The following CATSPERE variants were observed in gnomAD, a reference collection of about 807,000 sequenced individuals.
CATSPERE encodes catsper channel auxiliary subunit epsilon.
CATSPERE carries 93 observed loss-of-function variants against 114.1 expected under a neutral mutation model. The ratio of observed to expected loss-of-function variants is 0.81; its 90% CI spans 0.69 to 0.97. The LOEUF is 0.97. Among genes scored for constraint, CATSPERE ranks in the 50% least tolerant of loss-of-function variants. The pLI, the probability that CATSPERE is intolerant of heterozygous loss-of-function variation, is 0.00. For missense variants in CATSPERE, 1,058 were observed against 1,131.6 expected (o/e 0.93, Z 0.93); for synonymous variants, 341 against 384.1 (o/e 0.89, Z 1.31).
chr1:244,517,036 G>A (rs1676751165), intron 7 of CATSPERE, among the ~76,000 whole-genome samples: 1 of 152,006 alleles, frequency 6.6e-6, no homozygotes, highest in Non-Finnish European at 1.5e-5. Flanking sequence ...GAAAAATTAT[G>A]CAGACATTGA....
chr1:244,557,580 T>TATATATATAA (rs1661842519), intron 9 of CATSPERE, among the ~76,000 whole-genome samples: 1 of 105,476 alleles, frequency 9.5e-6, no homozygotes, highest in Non-Finnish European at 1.9e-5. Flanking sequence ...TATATATATA[T>TATATATATAA]ATAAAATCTC....
chr1:244,566,652 CTTTTTTTTTTTTTTTTTTTT>C (rs59466928), intron 10 of CATSPERE, among the ~76,000 whole-genome samples: 21 of 49,122 alleles, frequency 4.3e-4, no homozygotes, highest in African/African-American at 8.5e-4. Flanking sequence ...GCAACCCCTG[CTTTTTTTTTTTTTTTTTTTT>C]TTTTTTTTTT....
chr1:244,585,760 T>A (rs1235425093), intron 13 of CATSPERE, among the ~76,000 whole-genome samples: 1 of 152,208 alleles, frequency 6.6e-6, no homozygotes, highest in Non-Finnish European at 1.5e-5. Flanking sequence ...GCCTGTTGTC[T>A]TTATCTTTTA....
upstream of CATSPERE, among the ~76,000 whole-genome samples, chr1:244,453,143 A>C (rs1477979678): frequency 6.6e-6 from 1 of 152,238 alleles, no homozygotes; most frequent in Non-Finnish European, 1.5e-5. Flanking sequence ...TCAAGGATTC[A>C]AATTATTTGG....
intron 8 of CATSPERE, among the ~76,000 whole-genome samples, chr1:244,519,891 C>T (rs913551406): frequency 6.6e-6 from 1 of 152,182 alleles, no homozygotes; most frequent in African/African-American, 2.4e-5. Flanking sequence ...TGTTTCTTAA[C>T]AATTTGGCAA....
chr1:244,502,684 T>C lies in CATSPERE; in HGVS notation c.429+3605T>C, dbSNP rs571291740. On this transcript the variant is annotated intron_variant, in intron 7 of 21. Coordinates refer to ENST00000366534, the MANE Select transcript of CATSPERE (RefSeq NM_001130957.2). ...GGCTCCCCAGAAGTGTGCTTGTAGT[T>C]CATTTTTGGAGGTGATGCCAGGAAA... 3.3e-5 allele frequency among the ~76,000 whole-genome samples: 5 copies of C among 152,250 alleles called. No individual in the cohort carries two copies. In the East Asian group the frequency reaches 7.7e-4, roughly 23 times the overall value.
At chr1:244,594,251 T>G (rs1211422978) in intron 17 of CATSPERE, among the ~76,000 whole-genome samples, 1 of 152,112 alleles carries the variant, frequency 6.6e-6, no homozygotes, top group Non-Finnish European at 1.5e-5. Context: ...GCCCAGGAGG[T>G]AGAGGATGCA....
chr1:244,485,258 T>A (rs916402125), intron 5 of CATSPERE, among the ~76,000 whole-genome samples: 1 of 152,084 alleles, frequency 6.6e-6, no homozygotes, highest in Non-Finnish European at 1.5e-5. Context: ...CTCAGCTCAC[T>A]GCAACTTCTG....
rs1558609024 is a variant in CATSPERE at position 244,621,082 on chromosome 1, TAAATATATATAA to T, written c.2648+3399_2648+3410del. On this transcript the variant is annotated intron_variant, in intron 20 of 21. Transcript: ENST00000366534. ...TATAAATATATATAAAATATATATA[TAAATATATATAA>T]AATATATATAAATATATATATAATA... is the stretch of plus-strand genomic sequence containing the variant. Among the ~76,000 whole-genome samples, 5 of 71,114 alleles carry T rather than the reference TAAATATATATAA, an allele frequency of 7.0e-5. No homozygotes were observed. In the East Asian group the frequency reaches 1.7e-3, roughly 24 times the overall value. The allele number at this position is 71,114 out of a possible 152,430, so 46.7% of individuals were successfully genotyped here.
chr1:244,543,237 A>G (rs572033756), intron 8 of CATSPERE, among the ~76,000 whole-genome samples: 1 of 152,304 alleles, frequency 6.6e-6, no homozygotes, highest in Non-Finnish European at 1.5e-5. Context: ...CTATGTGTCC[A>G]TCAGAAGATG....
At position 244,591,680 on chromosome 1, in the gene CATSPERE, G is replaced by T; in HGVS notation, c.2139-1G>T. The T allele has an allele frequency of 6.7e-7, 1 of 1,486,090 alleles. No individual in the cohort carries two copies. Among genetic ancestry groups the T allele is most frequent in the Admixed American group, 1.9e-5 (1 of 53,412 alleles). 92.1% of individuals were successfully genotyped at this position (1,486,090 alleles called of 1,614,324 possible). ...ACTTCATTATGTTTTGTCTTTTGTA[G>T]ATTTAGTAAAAAAGGATGTCATCAC... On this transcript the variant is annotated splice_acceptor_variant, in intron 14 of 21. Coordinates refer to ENST00000366534, the MANE Select transcript of CATSPERE (RefSeq NM_001130957.2). LOFTEE classifies it high-confidence loss of function.
chr1:244,478,560 A>G (rs918757175), intron 4 of CATSPERE, among the ~76,000 whole-genome samples: 1 of 152,206 alleles, frequency 6.6e-6, no homozygotes, highest in African/African-American at 2.4e-5. Context: ...CATGTCACCA[A>G]TCCTGCCTTT....
intron 7 of CATSPERE, among the ~76,000 whole-genome samples, chr1:244,509,535 TG>T (rs1323571929): frequency 6.6e-6 from 1 of 152,152 alleles, no homozygotes; most frequent in East Asian, 1.9e-4. Flanking sequence ...GCCTGTAGTT[TG>T]TTGTTGTTGT....
chr1:244,536,012 C>T (rs1368877435), intron 8 of CATSPERE, among the ~76,000 whole-genome samples: 1 of 151,998 alleles, frequency 6.6e-6, no homozygotes. Context: ...CTCTTCAAGG[C>T]AGCAGGTTTC....
intron 8 of CATSPERE, among the ~76,000 whole-genome samples, chr1:244,522,474 TAACTA>T (rs1677742521): frequency 6.6e-6 from 1 of 151,474 alleles, no homozygotes; most frequent in South Asian, 2.1e-4. Flanking sequence ...CGGCGAGAAA[TAACTA>T]AAATCAGAGC....
At chr1:244,563,198 T>C (rs1474634635) in intron 10 of CATSPERE, among the ~76,000 whole-genome samples, 1 of 152,252 alleles carries the variant, frequency 6.6e-6, no homozygotes, top group East Asian at 1.9e-4. Flanking sequence ...AAGTATTTGC[T>C]ATTGTGAACT....
At chr1:244,554,125 A>G (rs894969790) in intron 9 of CATSPERE, among the ~76,000 whole-genome samples, 2 of 152,234 alleles carry the variant, frequency 1.3e-5, no homozygotes, top group African/African-American at 4.8e-5. Context: ...TAGTGTTGCA[A>G]TAAACCTGCG....
chr1:244,610,035 ACT>A (rs917111789), intron 18 of CATSPERE, among the ~76,000 whole-genome samples: 7 of 152,170 alleles, frequency 4.6e-5, no homozygotes, highest in African/African-American at 1.7e-4. Context: ...ACAGAGTGAG[ACT>A]CTGTCTCAAA....
At chr1:244,541,159 A>G (rs1658644290) in intron 8 of CATSPERE, among the ~76,000 whole-genome samples, 1 of 149,166 alleles carries the variant, frequency 6.7e-6, no homozygotes, top group African/African-American at 2.5e-5. Context: ...GACAAATGGG[A>G]TGTAATTAAA....
Sources: allele counts gnomAD v4.1 joint callset (sites outside exome capture counted in the v4.1 genomes callset), GRCh38; gene constraint gnomAD v4.1.1; transcripts MANE v1.5; gene names NCBI Gene and HGNC (gene_info 2026-07-23, HGNC 2026-07-21).